Variants in MID1 observed in about 807,000 individuals in gnomAD.
The protein encoded by MID1 is E3 ubiquitin-protein ligase Midline-1.
In MID1, 7 loss-of-function variants were observed where a neutral mutation model predicts 40.4. The ratio of observed to expected loss-of-function variants is 0.17; its 90% CI spans 0.10 to 0.33. The LOEUF (loss-of-function observed/expected upper bound fraction) is 0.33, where lower values mean the gene tolerates loss of function less well. MID1 is among the 10% of genes least tolerant of loss of function. The pLI, the probability that MID1 is intolerant of heterozygous loss-of-function variation, is 1.00. For synonymous variants in MID1, 229 were observed against 221.2 expected, an observed-to-expected ratio of 1.04 and a Z score of -0.31; for missense variants, 367 against 558.5, an observed-to-expected ratio of 0.66 and a Z score of 3.46.
At chrX:10,613,104 C>T (rs1935761835) in intron 1 of MID1, among the ~76,000 whole-genome samples, 1 of 111,329 alleles carries the variant, frequency 9.0e-6, no homozygotes, top group African/African-American at 3.3e-5. Context: ...GCAGGGCATT[C>T]AATGAATTCC....
chrX:10,777,562 C>T (rs1327535120), intron 1 of MID1, among the ~76,000 whole-genome samples: 2 of 102,635 alleles, frequency 1.9e-5, no homozygotes, highest in Non-Finnish European at 3.9e-5. Flanking sequence ...TTTTTTTTAA[C>T]GGAGTTTCAC....
At chrX:10,501,710 G>A (rs1344168734) in intron 3 of MID1, among the ~76,000 whole-genome samples, 1 of 112,061 alleles carries the variant, frequency 8.9e-6, no homozygotes, top group East Asian at 2.8e-4. Context: ...ATCAGTTGCA[G>A]TCCCATGTAA....
chrX:10,820,616 CCA>C (rs1428778753), intron 1 of MID1, among the ~76,000 whole-genome samples: 2 of 60,817 alleles, frequency 3.3e-5, no homozygotes, highest in African/African-American at 1.3e-4. Flanking sequence ...AAGAAACAGA[CCA>C]TCTTAAGTAA....
At chrX:10,460,036 G>A (rs1928931618) in intron 7 of MID1, 1 of 437,992 alleles carries the variant, frequency 2.3e-6, no homozygotes, top group African/African-American at 2.4e-5. Context: ...AACTTTGCAG[G>A]TGCTCCTTCT....
chrX:10,745,998 G>A (rs930792701), intron 1 of MID1, among the ~76,000 whole-genome samples: 2 of 112,203 alleles, frequency 1.8e-5, no homozygotes, highest in African/African-American at 6.5e-5. Flanking sequence ...AACTAAGAGA[G>A]CAATGAAATC....
intron 1 of MID1, among the ~76,000 whole-genome samples, chrX:10,636,470 A>G (rs957617175): frequency 1.8e-5 from 2 of 110,138 alleles, no homozygotes; most frequent in Non-Finnish European, 3.8e-5. Flanking sequence ...AAAGCAATGG[A>G]AACAAAATCA....
At chrX:10,543,374 A>T (rs1043356981) in intron 2 of MID1, among the ~76,000 whole-genome samples, 3 of 112,278 alleles carry the variant, frequency 2.7e-5, no homozygotes, top group East Asian at 2.8e-4. Flanking sequence ...TCATAATAGT[A>T]ACAATGAGAA....
chrX:10,744,526 T>C (rs188509420), intron 1 of MID1, among the ~76,000 whole-genome samples: 1 of 111,109 alleles, frequency 9.0e-6, no homozygotes, highest in Non-Finnish European at 1.9e-5. Flanking sequence ...AGCTATAATA[T>C]AGACATATTA....
At chrX:10,812,700 C>T (rs1195203795) in intron 1 of MID1, among the ~76,000 whole-genome samples, 4 of 111,862 alleles carry the variant, frequency 3.6e-5, no homozygotes, top group East Asian at 2.8e-4. Flanking sequence ...ACTTTATGTC[C>T]GTTCCAGAGA....
At chrX:10,682,080 A>G (rs2043064639) in intron 1 of MID1, among the ~76,000 whole-genome samples, 1 of 111,093 alleles carries the variant, frequency 9.0e-6, no homozygotes, top group Admixed American at 9.6e-5. Flanking sequence ...TGGAAATGGG[A>G]GGATCGCTTG....
intron 1 of MID1, among the ~76,000 whole-genome samples, chrX:10,739,193 T>C (rs775440443): frequency 3.6e-5 from 4 of 111,339 alleles, no homozygotes; most frequent in South Asian, 3.8e-4. Flanking sequence ...AAAAAGAAGA[T>C]TGGGGAAGGG....
intron 3 of MID1, among the ~76,000 whole-genome samples, chrX:10,504,752 G>A (rs1931741316): frequency 9.3e-6 from 1 of 107,791 alleles, no homozygotes. Context: ...TACAGAGCAG[G>A]AGTTGGGGGA....
intron 1 of MID1, among the ~76,000 whole-genome samples, chrX:10,717,877 T>G (rs2043317789): frequency 1.8e-5 from 2 of 111,483 alleles, no homozygotes; most frequent in African/African-American, 6.5e-5. Context: ...AAACTAGAAC[T>G]CAGGATTAAG....
In MID1 at chrX:10,702,437, A is replaced by T. The variant is rs148541465; in HGVS notation, c.-186-82018T>A. Among the ~76,000 whole-genome samples, 812 of 112,375 alleles carry T rather than the reference A, an allele frequency of 7.2e-3. 3 individuals carry two copies. Among genetic ancestry groups the T allele is most frequent in the Non-Finnish European group, 0.012 (651 of 53,283 alleles). On this transcript the variant is annotated intron_variant, in intron 1 of 10. Coordinates refer to the MID1 transcript ENST00000380785. ...ATGTATCTTCTTTAAACTGAGTCTG[A>T]TGAATAGTTTTATTATACAAACTGA...
chrX:10,533,364 G>GAA (rs1297695710), intron 2 of MID1, among the ~76,000 whole-genome samples: 183 of 51,938 alleles, frequency 3.5e-3, no homozygotes, highest in African/African-American at 0.014. Context: ...AAGAAAGAAA[G>GAA]AAAGAAAGAA....
intron 5 of MID1, among the ~76,000 whole-genome samples, chrX:10,481,042 G>A (rs760160329): frequency 8.9e-6 from 1 of 111,737 alleles, no homozygotes; most frequent in Non-Finnish European, 1.9e-5. Context: ...TAGGCCAGGG[G>A]TTGGCAAAGT....
intron 1 of MID1, among the ~76,000 whole-genome samples, chrX:10,788,460 C>T (rs1429170408): frequency 9.0e-6 from 1 of 111,383 alleles, no homozygotes; most frequent in Non-Finnish European, 1.9e-5. Context: ...ATAGCAAATG[C>T]AGTCAGGGAG....
intron 1 of MID1, among the ~76,000 whole-genome samples, chrX:10,803,278 T>C (rs2044021664): frequency 9.0e-6 from 1 of 110,855 alleles, no homozygotes; most frequent in Admixed American, 9.6e-5. Context: ...GAGAGATTTA[T>C]ACATAAATTA....
intron 7 of MID1, among the ~76,000 whole-genome samples, chrX:10,467,455 G>C (rs1443761624): frequency 8.9e-6 from 1 of 111,775 alleles, no homozygotes; most frequent in African/African-American, 3.3e-5. Context: ...TTTTTCCCAG[G>C]AAAATGGGCC....
Sources: allele counts gnomAD v4.1 joint callset (sites outside exome capture counted in the v4.1 genomes callset), GRCh38; gene constraint gnomAD v4.1.1; transcripts MANE v1.5; gene names NCBI Gene and HGNC (gene_info 2026-07-23, HGNC 2026-07-21).